Variants in SHC3 observed in about 807,000 individuals in gnomAD.
The protein encoded by SHC3 is SHC-transforming protein 3.
SHC3 carries 15 observed loss-of-function variants against 60.4 expected under a neutral mutation model. That is an observed-to-expected ratio of 0.25 (90% CI 0.17 to 0.38). The LOEUF is 0.38. Ranked by LOEUF, SHC3 falls within the 10% of genes least tolerant of loss-of-function variation. SHC3 has a pLI of 1.00. For missense variants in SHC3, 677 were observed against 786.1 expected, an observed-to-expected ratio of 0.86 and a Z score of 1.66; for synonymous variants, 294 against 325.9, an observed-to-expected ratio of 0.90 and a Z score of 1.05.
intron 1 of SHC3, among the ~76,000 whole-genome samples, chr9:89,135,484 A>T (rs529563253): frequency 1.2e-4 from 19 of 152,004 alleles, no homozygotes; most frequent in East Asian, 3.9e-4. Context: ...AAGCATATTT[A>T]AAAAAAATTA....
intron 2 of SHC3, among the ~76,000 whole-genome samples, chr9:89,090,925 C>T (rs1416926064): frequency 6.6e-6 from 1 of 152,144 alleles, no homozygotes; most frequent in Non-Finnish European, 1.5e-5. Context: ...TGGGGATCCC[C>T]CAGGCACATC....
intron 1 of SHC3, among the ~76,000 whole-genome samples, chr9:89,130,661 G>T (rs2118165105): frequency 6.6e-6 from 1 of 152,320 alleles, no homozygotes; most frequent in African/African-American, 2.4e-5. Flanking sequence ...GCTCCTGAAT[G>T]ACTACTGGGT....
intron 1 of SHC3, among the ~76,000 whole-genome samples, chr9:89,168,612 T>C (rs1587768092): frequency 2.0e-5 from 3 of 152,318 alleles, no homozygotes; most frequent in African/African-American, 7.2e-5. Context: ...GGTCAGCTAG[T>C]GGCCACTCTA....
At chr9:89,158,636 G>A (rs150505007) in intron 1 of SHC3, among the ~76,000 whole-genome samples, 21 of 152,196 alleles carry the variant, frequency 1.4e-4, no homozygotes, top group Admixed American at 7.2e-4. Flanking sequence ...TCTGTCTAGC[G>A]GGCTGTTGAA....
intron 2 of SHC3, among the ~76,000 whole-genome samples, chr9:89,092,598 A>G (rs1825639867): frequency 7.0e-6 from 1 of 143,398 alleles, no homozygotes; most frequent in South Asian, 2.3e-4. Flanking sequence ...CCTGGGCAAC[A>G]GGGCAAGACT....
intron 2 of SHC3, among the ~76,000 whole-genome samples, chr9:89,108,772 C>T (rs912234976): frequency 3.9e-5 from 6 of 152,060 alleles, no homozygotes; most frequent in African/African-American, 1.4e-4. Context: ...GAGTTACATC[C>T]CAGTGTTTGC....
intron 11 of SHC3, among the ~76,000 whole-genome samples, chr9:89,031,247 A>G (rs1824485369): frequency 6.6e-6 from 1 of 152,198 alleles, no homozygotes; most frequent in Non-Finnish European, 1.5e-5. Flanking sequence ...TTGAGATATA[A>G]TCTAGACACC....
At chr9:89,026,123 T>C (rs1481903177) in intron 11 of SHC3, among the ~76,000 whole-genome samples, 2 of 151,994 alleles carry the variant, frequency 1.3e-5, no homozygotes, top group East Asian at 1.9e-4. Flanking sequence ...GGCGTGGTGG[T>C]GCATGCCTGT....
chr9:89,007,605 C>G lies in SHC3; in HGVS notation c.*5842G>C, dbSNP rs984721529. ...GGGAATACACGAAAGCATGACATCA[C>G]GAGCACAGCCTCCTCCACCACACCT... On this transcript the variant is annotated 3_prime_UTR_variant, in exon 12 of 12. Coordinates refer to ENST00000375835, the MANE Select transcript of SHC3 (RefSeq NM_016848.6). 1 of 152,340 alleles carries G rather than the reference C, an allele frequency of 6.6e-6. No homozygotes were observed. Among genetic ancestry groups the G allele is most frequent in the African/African-American group, 2.4e-5 (1 of 41,450 alleles). 9.4% of individuals were successfully genotyped at this position (152,340 alleles called of 1,614,324 possible). A position where few individuals can be genotyped will look rare whatever the true frequency, so the allele number is the denominator to read the frequency against.
chr9:89,136,199 A>C (rs1826317375), intron 1 of SHC3, among the ~76,000 whole-genome samples: 1 of 152,150 alleles, frequency 6.6e-6, no homozygotes, highest in Non-Finnish European at 1.5e-5. Context: ...CTTAGGATTA[A>C]GGGTTCTCTT....
intron 1 of SHC3, among the ~76,000 whole-genome samples, chr9:89,166,413 A>G (rs994339503): frequency 1.3e-5 from 2 of 152,224 alleles, no homozygotes; most frequent in African/African-American, 4.8e-5. Context: ...GAAGGAATAC[A>G]CTAGTGAATG....
chr9:89,045,140 T>C (rs893898819), intron 9 of SHC3, among the ~76,000 whole-genome samples: 3 of 152,062 alleles, frequency 2.0e-5, no homozygotes, highest in Non-Finnish European at 4.4e-5. Context: ...TCAGCACCCC[T>C]GGGCATGGAA....
intron 1 of SHC3, among the ~76,000 whole-genome samples, chr9:89,117,884 C>A (rs1826039720): frequency 6.6e-6 from 1 of 152,116 alleles, no homozygotes; most frequent in African/African-American, 2.4e-5. Context: ...GACTGTCACT[C>A]ATGTTCATAC....
rs552142341 is a variant in SHC3, at chr9:89,178,767, A to G, written c.-307T>C. 37 of 279,768 alleles carry G rather than the reference A, an allele frequency of 1.3e-4. No individual in the cohort carries two copies. The highest frequency in any genetic ancestry group is 6.6e-4 in the African/African-American group (30 of 45,774). 17.3% of individuals were successfully genotyped at this position (279,768 alleles called of 1,614,324 possible). On this transcript the variant is annotated 5_prime_UTR_variant, in exon 1 of 12. It removes an upstream start codon present in the reference 5' UTR. Transcript: ENST00000375835. The surrounding 1 kb of genome is among the most constrained non-coding windows in gnomAD (Gnocchi z 6.9). ...GCTTGGGGCTGCTCACAGCAAAAGC[A>G]TGACTCACTCTGAGAGGAGACCCTT...
chr9:89,080,775 T>C (rs1192409161), intron 2 of SHC3, among the ~76,000 whole-genome samples: 8 of 148,348 alleles, frequency 5.4e-5, no homozygotes, highest in Non-Finnish European at 1.2e-4. Context: ...ATACTTTTTT[T>C]TTTTTTTTTG....
chr9:89,045,841 C>T lies in SHC3; in HGVS notation c.1114-8G>A, dbSNP rs1824763506. 1.2e-6 allele frequency: 2 copies of T among 1,612,982 alleles called. No individual in the cohort carries two copies. Among genetic ancestry groups the T allele is most frequent in the African/African-American group, 2.7e-5 (2 of 74,912 alleles). ...CTGCTCTTTTCCTGCAAACTATAGA[C>T]ACATGTAAATACACAGAATGAAAAA... On this transcript the variant is annotated splice_polypyrimidine_tract_variant and splice_region_variant and intron_variant, in intron 8 of 11. Coordinates refer to ENST00000375835, the MANE Select transcript of SHC3 (RefSeq NM_016848.6).
At chr9:89,107,217 C>T (rs572053702) in intron 2 of SHC3, among the ~76,000 whole-genome samples, 28 of 152,272 alleles carry the variant, frequency 1.8e-4, no homozygotes, top group African/African-American at 6.3e-4. Flanking sequence ...TTAAGTGCTC[C>T]CTCCCTCCTC....
In SHC3 at chr9:89,008,525, T is replaced by G. The variant is rs796477186; in HGVS notation, c.*4922A>C. On this transcript the variant is annotated 3_prime_UTR_variant, in exon 12 of 12. Coordinates refer to ENST00000375835, the MANE Select transcript of SHC3 (RefSeq NM_016848.6). ...CAGGAACTTGGCGGGGCCAGGGGGG[T>G]GGAAGGGCCTGCAATCTTTGTCTGA... 4 of 150,964 alleles carry G rather than the reference T, an allele frequency of 2.6e-5. No individual in the cohort carries two copies. The highest frequency in any genetic ancestry group is 9.8e-5 in the African/African-American group (4 of 41,018). The allele number at this position is 150,964 out of a possible 1,614,324, so 9.4% of individuals were successfully genotyped here.
chr9:89,178,228 C>A lies in SHC3; in HGVS notation c.233G>T (p.Ser78Ile). 1 of 1,495,888 alleles carries A rather than the reference C, an allele frequency of 6.7e-7. No homozygotes were observed. Among genetic ancestry groups the A allele is most frequent in the Non-Finnish European group, 8.9e-7 (1 of 1,124,762 alleles). 92.7% of individuals were successfully genotyped at this position (1,495,888 alleles called of 1,614,324 possible). ...LHKVSHLKLS[S>I]SGLRGLSSAA... is the part of the protein sequence containing the mutation. ...CGACGACAGGCCGCGGAGGCCCGAG[C>A]TGGAGAGTTTCAGGTGGGACACCTT... Residue 78 changes from serine to isoleucine, a missense_variant, in exon 1 of 12, where the codon AGC becomes ATC. By Grantham distance (142) the Ser-to-Ile change is moderately radical (BLOSUM62 -2). Coordinates refer to ENST00000375835, the MANE Select transcript of SHC3 (RefSeq NM_016848.6). The surrounding 1 kb of genome is among the most constrained non-coding windows in gnomAD (Gnocchi z 6.9).
Sources: allele counts gnomAD v4.1 joint callset (sites outside exome capture counted in the v4.1 genomes callset), GRCh38; gene constraint gnomAD v4.1.1; non-coding constraint Gnocchi (gnomAD v3.1); transcripts MANE v1.5; gene names NCBI Gene and HGNC (gene_info 2026-07-23, HGNC 2026-07-21).